The following LRRC37A2 variants were observed in gnomAD, a reference collection of about 807,000 sequenced individuals.
LRRC37A2 encodes the protein leucine rich repeat containing 37 member A2.
In LRRC37A2, 9 loss-of-function variants were observed where a neutral mutation model predicts 68.8. The ratio of observed to expected loss-of-function variants is 0.13; its 90% CI spans 0.08 to 0.23. The LOEUF is 0.23. Ranked by LOEUF, LRRC37A2 falls within the 10% of genes least tolerant of loss-of-function variation. The pLI, the probability that LRRC37A2 is intolerant of heterozygous loss-of-function variation, is 1.00. For synonymous variants in LRRC37A2, 63 were observed against 367.6 expected, an observed-to-expected ratio of 0.17 and a Z score of 9.48; for missense variants, 168 against 950.4, an observed-to-expected ratio of 0.18 and a Z score of 10.82.
At chr17:46,865,881 G>A in the LRRC37A2 span, among the ~76,000 whole-genome samples, 1 of 152,156 alleles carries the variant, frequency 6.6e-6, no homozygotes, top group African/African-American at 2.4e-5. Flanking sequence ...CAAAGTGCTG[G>A]TACTACAGGT....
At chr17:46,454,194 T>A in the LRRC37A2 span, among the ~76,000 whole-genome samples, 3 of 106,318 alleles carry the variant, frequency 2.8e-5, no homozygotes, top group East Asian at 8.9e-4. Context: ...TGTATTTTTT[T>A]TTTAAGTATT....
chr17:46,880,858 C>T, the LRRC37A2 span, among the ~76,000 whole-genome samples: 1 of 152,198 alleles, frequency 6.6e-6, no homozygotes, highest in Non-Finnish European at 1.5e-5. Context: ...CCAGAGCCTG[C>T]ATCCTTCCTG....
the LRRC37A2 span, among the ~76,000 whole-genome samples, chr17:46,501,711 T>C: frequency 6.6e-6 from 1 of 151,260 alleles, no homozygotes; most frequent in Non-Finnish European, 1.5e-5. Flanking sequence ...TGATATCTCA[T>C]TGTATGCCTC....
At chr17:46,733,456 A>G in the LRRC37A2 span, among the ~76,000 whole-genome samples, 52 of 152,282 alleles carry the variant, frequency 3.4e-4, no homozygotes, top group Non-Finnish European at 4.4e-4. Context: ...AGTTAAGCCT[A>G]TTAACCTCAC....
At chr17:46,910,054 G>A in the LRRC37A2 span, 1 of 154,750 alleles carries the variant, frequency 6.5e-6, no homozygotes, top group Non-Finnish European at 1.4e-5. Flanking sequence ...CCGAGAGGCA[G>A]CATAGAGTAG....
intron 6 of LRRC37A2, among the ~76,000 whole-genome samples, chr17:46,533,475 G>A (rs1210079979): frequency 2.7e-4 from 39 of 142,302 alleles, no homozygotes; most frequent in Non-Finnish European, 3.1e-4. Flanking sequence ...TATAATTATT[G>A]CATTATGTAA....
At chr17:46,666,060 A>G in the LRRC37A2 span, among the ~76,000 whole-genome samples, 2 of 150,518 alleles carry the variant, frequency 1.3e-5, no homozygotes, top group East Asian at 3.9e-4. Flanking sequence ...TGTGCTCCCC[A>G]AGAAAGGGCA....
At chr17:46,959,203 C>T in the LRRC37A2 span, among the ~76,000 whole-genome samples, 271 of 152,296 alleles carry the variant, frequency 1.8e-3, no homozygotes, top group Middle Eastern at 0.014. Flanking sequence ...GTCCTACCAC[C>T]AGACAGATGG....
chr17:46,519,709 AAAATT>A (rs1177102639), intron 3 of LRRC37A2, among the ~76,000 whole-genome samples: 5 of 145,524 alleles, frequency 3.4e-5, no homozygotes, highest in Admixed American at 2.8e-4. Context: ...CCCTGTCTCA[AAAATT>A]AAATTAAATT....
the LRRC37A2 span, chr17:46,923,741 A>G: frequency 1.4e-3 from 634 of 440,558 alleles, 3 homozygotes; most frequent in Middle Eastern, 4.8e-3. Context: ...TTACTTGTTA[A>G]TCGTATCTGG....
At chr17:46,490,491 G>A in the LRRC37A2 span, among the ~76,000 whole-genome samples, 1 of 151,044 alleles carries the variant, frequency 6.6e-6, no homozygotes, top group Non-Finnish European at 1.5e-5. Flanking sequence ...GGGAGGCCGA[G>A]GCGGGTGGAT....
At chr17:46,822,040 G>C in the LRRC37A2 span, among the ~76,000 whole-genome samples, 40 of 152,172 alleles carry the variant, frequency 2.6e-4, no homozygotes, top group Admixed American at 9.2e-4. Flanking sequence ...GACCAACCTG[G>C]GGGGGTAAAG....
chr17:46,805,514 A>C, the LRRC37A2 span, among the ~76,000 whole-genome samples: 1 of 152,220 alleles, frequency 6.6e-6, no homozygotes, highest in Non-Finnish European at 1.5e-5. Context: ...TGGAGGTTGC[A>C]GTGAGCCAAG....
At chr17:46,777,793 A>G in the LRRC37A2 span, among the ~76,000 whole-genome samples, 1 of 152,230 alleles carries the variant, frequency 6.6e-6, no homozygotes, top group Non-Finnish European at 1.5e-5. Flanking sequence ...GCTGAGCCAG[A>G]ATTCAAGCCC....
chr17:46,790,793 C>T, the LRRC37A2 span, among the ~76,000 whole-genome samples: 1 of 152,370 alleles, frequency 6.6e-6, no homozygotes, highest in East Asian at 1.9e-4. Flanking sequence ...CCCTCCGTTT[C>T]CGTCCACCTT....
At chr17:47,026,162 A>G in the LRRC37A2 span, among the ~76,000 whole-genome samples, 242 of 152,340 alleles carry the variant, frequency 1.6e-3, 1 homozygote, top group Admixed American at 7.2e-3. Context: ...ATGCCATTTG[A>G]ATAGGACTTT....
chr17:46,804,619 G>T, the LRRC37A2 span, among the ~76,000 whole-genome samples: 1 of 152,220 alleles, frequency 6.6e-6, no homozygotes, highest in African/African-American at 2.4e-5. Flanking sequence ...GAGATCAGAA[G>T]AGGAAGAACA....
the LRRC37A2 span, chr17:46,979,355 G>A: frequency 5.5e-6 from 1 of 180,514 alleles, no homozygotes; most frequent in Non-Finnish European, 1.2e-5. Flanking sequence ...CCGAGGGGCG[G>A]GAATCCCGCC....
At chr17:46,986,908 G>C in the LRRC37A2 span, among the ~76,000 whole-genome samples, 8 of 139,350 alleles carry the variant, frequency 5.7e-5, no homozygotes, top group African/African-American at 1.7e-4. Context: ...CAGTCCCACA[G>C]AGGAATAGCA....
Sources: allele counts gnomAD v4.1 joint callset (sites outside exome capture counted in the v4.1 genomes callset), GRCh38; gene constraint gnomAD v4.1.1; transcripts MANE v1.5; gene names NCBI Gene and HGNC (gene_info 2026-07-23, HGNC 2026-07-21).